PPEF1: variants seen among roughly 807,000 people sequenced by gnomAD.
PPEF1 encodes serine/threonine-protein phosphatase with EF-hands 1.
PPEF1 carries 12 observed loss-of-function variants against 53.3 expected under a neutral mutation model. The observed-to-expected ratio is 0.23, with a 90% confidence interval of 0.14 to 0.36. The LOEUF (loss-of-function observed/expected upper bound fraction) is 0.36, where lower values mean the gene tolerates loss of function less well. Ranked by LOEUF, PPEF1 falls within the 10% of genes least tolerant of loss-of-function variation. PPEF1 has a pLI of 1.00. For missense variants in PPEF1, 334 were observed against 490.4 expected, an observed-to-expected ratio of 0.68 and a Z score of 3.01; for synonymous variants, 165 against 176.7, an observed-to-expected ratio of 0.93 and a Z score of 0.52.
chrX:18,795,786 G>A (rs1285187695), intron 10 of PPEF1, among the ~76,000 whole-genome samples: 1 of 111,728 alleles, frequency 9.0e-6, no homozygotes, highest in Non-Finnish European at 1.9e-5. Flanking sequence ...CCTATTTCCC[G>A]AAAGAGGACA....
intron 6 of PPEF1, among the ~76,000 whole-genome samples, chrX:18,770,290 AC>A (rs1046199772): frequency 9.0e-6 from 1 of 111,518 alleles, no homozygotes; most frequent in African/African-American, 3.3e-5. Flanking sequence ...TTACTCTAAG[AC>A]TAAAGTGGAT....
chrX:18,804,908 T>C (rs756708212), intron 11 of PPEF1, among the ~76,000 whole-genome samples: 1 of 111,995 alleles, frequency 8.9e-6, no homozygotes, highest in East Asian at 2.8e-4. Context: ...TGGTGTCTGA[T>C]CAAAGGCTAA....
intron 6 of PPEF1, among the ~76,000 whole-genome samples, chrX:18,771,926 C>G: frequency 9.0e-6 from 1 of 111,272 alleles, no homozygotes; most frequent in South Asian, 3.8e-4. Context: ...ACCAGCCTGG[C>G]CAACATGGCG....
intron 1 of PPEF1, among the ~76,000 whole-genome samples, chrX:18,722,698 A>G (rs998200738): frequency 8.9e-6 from 1 of 112,191 alleles, no homozygotes; most frequent in Non-Finnish European, 1.9e-5. Flanking sequence ...TCAACAGATC[A>G]AAATCCCAGC....
rs1327698120 is a variant in PPEF1, at chrX:18,707,744, G to A, written c.-37G>A. ...TTCACACTCTGTCTTAAAATCAGAA[G>A]TTGAATTCATGAACACATATGATTT... On this transcript the variant is annotated 5_prime_UTR_variant, in exon 1 of 16. Transcript: ENST00000470157. 1 of 1,185,711 alleles carries A rather than the reference G, an allele frequency of 8.4e-7. No individual in the cohort carries two copies. Among genetic ancestry groups the A allele is most frequent in the African/African-American group, 1.8e-5 (1 of 56,789 alleles).
intron 3 of PPEF1, among the ~76,000 whole-genome samples, chrX:18,745,816 T>G (rs903331993): frequency 1.8e-5 from 2 of 112,552 alleles, no homozygotes; most frequent in African/African-American, 3.2e-5. Context: ...AAATGTCATT[T>G]TGGCATCTAT....
intron 4 of PPEF1, among the ~76,000 whole-genome samples, chrX:18,754,475 A>G (rs2045505735): frequency 1.8e-5 from 2 of 111,707 alleles, no homozygotes; most frequent in African/African-American, 6.5e-5. Flanking sequence ...GGAATGAATC[A>G]TGTAATTCCT....
At chrX:18,733,629 A>C in intron 2 of PPEF1, 119 bp from the exon 3 acceptor site, 2 of 530,413 alleles carry the variant, frequency 3.8e-6, no homozygotes, top group Non-Finnish European at 6.3e-6. Flanking sequence ...TAGCACCTGC[A>C]GCAGCTGAGA....
At position 18,720,316 on chromosome X, in the gene PPEF1, G is replaced by C. The variant is rs148684657; in HGVS notation, c.47-9865G>C. On this transcript the variant is annotated intron_variant, in intron 1 of 15. Coordinates refer to ENST00000470157, the MANE Select transcript of PPEF1 (RefSeq NM_001377996.1). ...ATACATTTGAAAATATTTCAGCCGG[G>C]CGCAGTGGCTCATGCCTGTGATCCC... 3.7e-3 allele frequency among the ~76,000 whole-genome samples: 416 copies of C among 111,853 alleles called. 4 individuals carry two copies. Among genetic ancestry groups the C allele is most frequent in the African/African-American group, 0.013 (398 of 30,862 alleles).
At chrX:18,767,616 T>C (rs1351665712) in intron 6 of PPEF1, among the ~76,000 whole-genome samples, 1 of 112,498 alleles carries the variant, frequency 8.9e-6, no homozygotes, top group Non-Finnish European at 1.9e-5. Flanking sequence ...GTTAAAGTAA[T>C]TTTTAAAGGC....
chrX:18,681,483 G>A (rs145588304), upstream of PPEF1, among the ~76,000 whole-genome samples: 326 of 111,526 alleles, frequency 2.9e-3, 1 homozygote, highest in African/African-American at 0.01. Flanking sequence ...ACTCAAGCCA[G>A]GGCAATGAGT....
chrX:18,748,665 T>C lies in PPEF1; in HGVS notation c.236-1127T>C, dbSNP rs78896851. ...GTCTTGGCTGGAGTTCACTCATGTGTCCAGAACAAACACTGGTGGCTGCTG... is the reference window on the plus strand; with the variant it reads ...GTCTTGGCTGGAGTTCACTCATGTGCCCAGAACAAACACTGGTGGCTGCTG... On this transcript the variant is annotated intron_variant, in intron 3 of 15. Coordinates refer to ENST00000470157, the MANE Select transcript of PPEF1 (RefSeq NM_001377996.1). Among the ~76,000 whole-genome samples, 1,464 of 112,257 alleles carry C rather than the reference T, an allele frequency of 0.013. 29 individuals are homozygous for C. The South Asian group carries it at 0.15, about 11-fold the overall frequency.
In PPEF1 at chrX:18,690,008, AC is replaced by A. The variant is rs772112963; in HGVS notation, c.-425-968del. Among the ~76,000 whole-genome samples the A allele has an allele frequency of 2.3e-4, 25 of 108,948 alleles. 1 individual carries two copies. The East Asian group carries it at 6.9e-3, about 30-fold the overall frequency. 94.6% of individuals were successfully genotyped at this position (108,948 alleles called of 115,157 possible). A position where few individuals can be genotyped will look rare whatever the true frequency, so the allele number is the denominator to read the frequency against. On this transcript the variant is annotated intron_variant, in intron 3 of 21. Transcript: ENST00000361511. ...ACTTCCTCAGAGAAGGCTTTGCTCG[AC>A]CCCCCACCTCACTCTCATAAAATGA...
At chrX:18,820,879 T>C (rs1017923818) in intron 13 of PPEF1, among the ~76,000 whole-genome samples, 21 of 111,403 alleles carry the variant, frequency 1.9e-4, no homozygotes, top group African/African-American at 6.5e-4. Flanking sequence ...TAACATAAGA[T>C]AGTAATAAAA....
chrX:18,721,933 C>T (rs1407289159), intron 1 of PPEF1, among the ~76,000 whole-genome samples: 1 of 111,987 alleles, frequency 8.9e-6, no homozygotes, highest in Non-Finnish European at 1.9e-5. Flanking sequence ...AAGTGTCTCC[C>T]AGGGACAAGG....
chrX:18,775,500 C>T lies in PPEF1; in HGVS notation c.559-3510C>T, dbSNP rs143873431. On this transcript the variant is annotated intron_variant, in intron 6 of 15. Coordinates refer to ENST00000470157, the MANE Select transcript of PPEF1 (RefSeq NM_001377996.1). ...TCAGCCTCCTGAAGTGTTGGGATTA[C>T]AGGCATGAGCCACTGTGCCCGGCCA... Among the ~76,000 whole-genome samples, 477 of 112,299 alleles carry T rather than the reference C, an allele frequency of 4.2e-3. 5 individuals carry two copies. Among genetic ancestry groups the T allele is most frequent in the African/African-American group, 0.015 (460 of 30,971 alleles).
chrX:18,743,768 A>G (rs899209751), intron 3 of PPEF1, among the ~76,000 whole-genome samples: 1 of 109,374 alleles, frequency 9.1e-6, no homozygotes, highest in African/African-American at 3.3e-5. Flanking sequence ...ACCTTTTTGT[A>G]TGTTTATTGG....
chrX:18,763,002 A>G (rs953351180), intron 6 of PPEF1, among the ~76,000 whole-genome samples: 3 of 111,679 alleles, frequency 2.7e-5, no homozygotes, highest in African/African-American at 9.8e-5. Context: ...AGGCCTGGAA[A>G]TTATCACCAG....
intron 13 of PPEF1, among the ~76,000 whole-genome samples, chrX:18,819,832 A>G (rs1336308828): frequency 8.9e-6 from 1 of 112,368 alleles, no homozygotes. Context: ...CAGAATTGAT[A>G]AAAGACTCAA....
Sources: gnomAD v4.1 joint callset for allele counts (sites outside exome capture counted in the v4.1 genomes callset) on GRCh38, gnomAD v4.1.1 for gene constraint, MANE v1.5 for transcripts, NCBI Gene and HGNC (gene_info 2026-07-23, HGNC 2026-07-21) for gene names.